VPS53: variants seen among roughly 807,000 people sequenced by gnomAD.
The protein encoded by VPS53 is VPS53 subunit of GARP complex, also known as vacuolar protein sorting-associated protein 53 homolog.
A neutral mutation model predicts 107.0 loss-of-function variants in VPS53; 70 were observed. That is an observed-to-expected ratio of 0.65 (90% confidence interval 0.54 to 0.80). The LOEUF (loss-of-function observed/expected upper bound fraction) is 0.80, where lower values mean the gene tolerates loss of function less well. Ranked by LOEUF, VPS53 falls within the 30% of genes least tolerant of loss-of-function variation. VPS53 has a pLI of 0.00. For synonymous variants in VPS53, 409 were observed against 393.3 expected, an observed-to-expected ratio of 1.04 and a Z score of -0.47; for missense variants, 917 against 1,049.4, an observed-to-expected ratio of 0.87 and a Z score of 1.74.
chr17:705,525 A>C (rs533324842), intron 2 of VPS53: 1 of 152,340 alleles, frequency 6.6e-6, no homozygotes, highest in East Asian at 1.9e-4. Flanking sequence ...TCATGAGGTC[A>C]GGAGATCGAG....
In VPS53 at chr17:513,132, A is replaced by C. The variant is rs1908053271; in HGVS notation, c.*5996T>G. On this transcript the variant is annotated 3_prime_UTR_variant, in exon 22 of 22. Coordinates refer to ENST00000437048, the MANE Select transcript of VPS53 (RefSeq NM_001128159.3). ...TGTCAGGGAAGGGAGAAGGGCAGCCACCAGGAGCGGCCAGGGTCACGGACT... is the reference window on the plus strand; with the variant it reads ...TGTCAGGGAAGGGAGAAGGGCAGCCCCCAGGAGCGGCCAGGGTCACGGACT... 6.6e-6 allele frequency: 1 copy of C among 152,280 alleles called. No homozygotes were observed. The highest frequency in any genetic ancestry group is 1.5e-5 in the Non-Finnish European group (1 of 68,094). The allele number at this position is 152,280 out of a possible 1,614,324, so 9.4% of individuals were successfully genotyped here.
chr17:668,389 C>T (rs1010306756), intron 4 of VPS53, among the ~76,000 whole-genome samples: 4 of 152,110 alleles, frequency 2.6e-5, no homozygotes, highest in African/African-American at 4.8e-5. Context: ...CTGAGGCTAC[C>T]GCTCTGAATA....
rs73283552 is a variant in VPS53, at chr17:710,232, T to A, written c.168+301A>T. Among the ~76,000 whole-genome samples, 1,503 of 152,292 alleles carry A rather than the reference T, an allele frequency of 9.9e-3. 25 individuals carry two copies. Among genetic ancestry groups the A allele is most frequent in the African/African-American group, 0.034 (1,405 of 41,560 alleles). ...TGATTCTGGGCTTATCCTGCCTGCC[T>A]CACCCCCACTTGTCCCTACTACATT... On this transcript the variant is annotated intron_variant, in intron 2 of 21. Coordinates refer to ENST00000437048, the MANE Select transcript of VPS53 (RefSeq NM_001128159.3).
chr17:533,258 G>C (rs1291343559), intron 18 of VPS53, among the ~76,000 whole-genome samples: 1 of 152,208 alleles, frequency 6.6e-6, no homozygotes, highest in African/African-American at 2.4e-5. Context: ...AAGGGCTACA[G>C]GCACCGCACC....
At position 521,664 on chromosome 17, in the gene VPS53, C is replaced by A. The variant is rs1162024499; in HGVS notation, c.2160G>T (p.Lys720Asn). 1.3e-6 allele frequency: 2 copies of A among 1,551,110 alleles called. No individual in the cohort carries two copies. The highest frequency in any genetic ancestry group is 4.9e-5 in the East Asian group (2 of 40,870). ...LPSISSQVVR[K>N]APASYTKIVV... is the part of the protein sequence containing the mutation. ...CGATCTTGGTGTAGCTGGCGGGTGCCTTCCTCACCACCTGCGAGCTGATGG... is the reference window on the plus strand; with the variant it reads ...CGATCTTGGTGTAGCTGGCGGGTGCATTCCTCACCACCTGCGAGCTGATGG... Residue 720 changes from lysine to asparagine, a missense_variant, in exon 20 of 22, where the codon AAG becomes AAT. Physicochemically the swap from Lys to Asn is moderately conservative, Grantham distance 94. Coordinates refer to ENST00000437048, the MANE Select transcript of VPS53 (RefSeq NM_001128159.3).
chr17:619,202 G>A (rs536154519), intron 11 of VPS53, among the ~76,000 whole-genome samples: 212 of 140,622 alleles, frequency 1.5e-3, no homozygotes, highest in Admixed American at 2.4e-3. Context: ...AATATTTCCC[G>A]GGTAGCTGGG....
At chr17:552,060 T>G in intron 16 of VPS53, 110 bp from the exon 17 acceptor site, 2 of 1,052,752 alleles carry the variant, frequency 1.9e-6, no homozygotes, top group Non-Finnish European at 2.7e-6. Flanking sequence ...CTGGCAAAGT[T>G]TGAGCTTTAA....
At position 563,403 on chromosome 17, in the gene VPS53, C is replaced by A. The variant is rs148669496; in HGVS notation, c.1314-658G>T. ...CTCCATCTTCAGGGTTCAAGCAATT[C>A]TCCTGCGTCAGCCTCCCATGTAGCT... On this transcript the variant is annotated intron_variant, in intron 13 of 21. Transcript: ENST00000437048. 2.1e-3 allele frequency among the ~76,000 whole-genome samples: 307 copies of A among 145,966 alleles called. 3 individuals are homozygous for A. The highest frequency in any genetic ancestry group is 3.6e-3 in the Non-Finnish European group (243 of 67,262).
intron 17 of VPS53, among the ~76,000 whole-genome samples, chr17:540,063 C>A (rs1340699371): frequency 1.3e-5 from 2 of 150,858 alleles, no homozygotes; most frequent in Middle Eastern, 3.4e-3. Flanking sequence ...CAACTTCCCC[C>A]CCGACCCGCC....
intron 12 of VPS53, among the ~76,000 whole-genome samples, chr17:592,612 CCTGT>C (rs745843168): frequency 5.5e-4 from 83 of 152,074 alleles, no homozygotes; most frequent in Non-Finnish European, 1.1e-3. Context: ...TCAGCAGTTG[CCTGT>C]CTGTGAAGTA....
intron 11 of VPS53, among the ~76,000 whole-genome samples, chr17:606,354 G>T (rs1455619193): frequency 1.3e-5 from 2 of 152,172 alleles, no homozygotes; most frequent in African/African-American, 2.4e-5. Flanking sequence ...GGGGTATGCT[G>T]TTTAACTTCT....
Position 627,169 on chromosome 17 carries a change from T to C in VPS53, c.974+5A>G. On this transcript the variant is annotated splice_donor_5th_base_variant and intron_variant, in intron 10 of 21. Coordinates refer to ENST00000437048, the MANE Select transcript of VPS53 (RefSeq NM_001128159.3). ...CCACAGAACCAGTAGAGAACTGGCA[T>C]CTACCTTGTCACATGGCAAAATTCC... is the stretch of plus-strand genomic sequence containing the variant. 6.2e-7 allele frequency: 1 copy of C among 1,611,686 alleles called. No individual in the cohort carries two copies. The highest frequency in any genetic ancestry group is 8.5e-7 in the Non-Finnish European group (1 of 1,179,102).
chr17:615,761 G>A (rs551397996), intron 11 of VPS53, among the ~76,000 whole-genome samples: 29 of 152,334 alleles, frequency 1.9e-4, no homozygotes, highest in African/African-American at 7.0e-4. Context: ...AAGGAAGGTA[G>A]CATGGGGAAG....
rs79296484 is a variant in VPS53, at chr17:712,652, A to T, written c.87+1971T>A. On this transcript the variant is annotated intron_variant, in intron 1 of 21. Coordinates refer to ENST00000437048, the MANE Select transcript of VPS53 (RefSeq NM_001128159.3). ...ATTCTGAATTCATCTTGACATAATG[A>T]TGTCTGAATTCTGCTTGACATAAAG... Among the ~76,000 whole-genome samples, 342 of 152,314 alleles carry T rather than the reference A, an allele frequency of 2.2e-3. 9 individuals are homozygous for T. In the East Asian group the frequency reaches 0.056, roughly 25 times the overall value.
Position 623,699 on chromosome 17 carries a change from C to T in VPS53, c.975-25G>A, listed in dbSNP as rs572531717. 12 of 1,591,504 alleles carry T rather than the reference C, an allele frequency of 7.5e-6. No homozygotes were observed. The African/African-American group carries it at 1.6e-4, about 21-fold the overall frequency. ...CCTTCAAAACAAAGAGATAAGAATA[C>T]TATCAAACAAGCTGATCATTCATTC... On this transcript the variant is annotated intron_variant, in intron 10 of 21. Transcript: ENST00000437048.
chr17:712,992 C>T (rs1973698851), intron 1 of VPS53, among the ~76,000 whole-genome samples: 2 of 152,144 alleles, frequency 1.3e-5, no homozygotes, highest in Non-Finnish European at 2.9e-5. Context: ...AATGGTTTGG[C>T]GTTCTCAGGC....
Position 552,930 on chromosome 17 carries a change from G to A in VPS53, c.1787+450C>T, listed in dbSNP as rs112615911. 9.1e-4 allele frequency: 311 copies of A among 342,122 alleles called. 1 individual carries two copies. The highest frequency in any genetic ancestry group is 1.6e-3 in the African/African-American group (68 of 42,446). 21.2% of individuals were successfully genotyped at this position (342,122 alleles called of 1,614,324 possible). The stretch of plus-strand genomic sequence containing the variant: ...AGTGTGTACAAGGTATATACGTGCC[G>A]CACGCTGCTGTGTAGTGGAGAAAGG... On this transcript the variant is annotated intron_variant, in intron 16 of 21. Coordinates refer to ENST00000437048, the MANE Select transcript of VPS53 (RefSeq NM_001128159.3).
At chr17:631,450 C>A (rs964969307) in intron 8 of VPS53, 100 bp downstream of exon 8, 5 of 1,271,216 alleles carry the variant, frequency 3.9e-6, no homozygotes, top group Middle Eastern at 1.9e-4. Flanking sequence ...CAGCTGCCAG[C>A]GAGCATGACT....
intron 4 of VPS53, among the ~76,000 whole-genome samples, chr17:692,083 A>T (rs1297946517): frequency 6.6e-6 from 1 of 152,148 alleles, no homozygotes; most frequent in Non-Finnish European, 1.5e-5. Context: ...TCCATTGAAG[A>T]GACAGAAACT....
Sources: gnomAD v4.1 joint callset for allele counts (sites outside exome capture counted in the v4.1 genomes callset) on GRCh38, gnomAD v4.1.1 for gene constraint, MANE v1.5 for transcripts, NCBI Gene and HGNC (gene_info 2026-07-23, HGNC 2026-07-21) for gene names.